The following COL21A1 variants were observed in gnomAD, a reference collection of about 807,000 sequenced individuals.
COL21A1 encodes collagen alpha-1(XXI) chain.
COL21A1 carries 149 observed loss-of-function variants against 137.9 expected under a neutral mutation model. The observed-to-expected ratio is 1.08, with a 90% CI of 0.95 to 1.24. The LOEUF (loss-of-function observed/expected upper bound fraction) is 1.24. Ranked by LOEUF, COL21A1 falls within the 50% of genes most tolerant of loss-of-function variation. COL21A1 has a pLI of 0.00. For synonymous variants in COL21A1, 456 were observed against 391.5 expected (o/e 1.16, Z -1.95); for missense variants, 1,167 against 1,158.4 (o/e 1.01, Z -0.11).
chr6:56,390,296 G>A (rs2094026752), intron 1 of COL21A1, among the ~76,000 whole-genome samples: 1 of 152,048 alleles, frequency 6.6e-6, no homozygotes, highest in Non-Finnish European at 1.5e-5. Context: ...GATGTTATTT[G>A]CAAGCCTCAT....
chr6:56,328,185 G>C (rs1330686814), intron 1 of COL21A1, among the ~76,000 whole-genome samples: 1 of 152,074 alleles, frequency 6.6e-6, no homozygotes, highest in Non-Finnish European at 1.5e-5. Context: ...ATGTAAACTT[G>C]TCTTTTCACA....
chr6:56,378,571 C>T (rs112340609), intron 1 of COL21A1, among the ~76,000 whole-genome samples: 24 of 152,314 alleles, frequency 1.6e-4, no homozygotes, highest in African/African-American at 5.5e-4. Context: ...CAATAGAACA[C>T]CAGGTAGACT....
At chr6:56,137,862 T>G (rs1301536186) in intron 12 of COL21A1, among the ~76,000 whole-genome samples, 5 of 152,112 alleles carry the variant, frequency 3.3e-5, no homozygotes, top group Admixed American at 2.0e-4. Flanking sequence ...GAAAAAAGGT[T>G]GAAAGATCAG....
At chr6:56,112,594 A>C (rs1336078818) in intron 16 of COL21A1, among the ~76,000 whole-genome samples, 4 of 152,108 alleles carry the variant, frequency 2.6e-5, no homozygotes, top group Non-Finnish European at 5.9e-5. Context: ...GAACCACTGA[A>C]ACCAGTGCTC....
intron 1 of COL21A1, among the ~76,000 whole-genome samples, chr6:56,313,710 C>T (rs1764663675): frequency 6.6e-6 from 1 of 152,130 alleles, no homozygotes; most frequent in South Asian, 2.1e-4. Context: ...AAACACAATT[C>T]AGTCCATAGC....
intron 17 of COL21A1, among the ~76,000 whole-genome samples, chr6:56,088,277 T>C (rs980063973): frequency 6.6e-6 from 1 of 152,048 alleles, no homozygotes; most frequent in Non-Finnish European, 1.5e-5. Context: ...AGCAGGAGAA[T>C]TGCTTGACCC....
rs1459923118 is a variant in COL21A1 at position 56,164,502 on chromosome 6, A to G, written c.1292T>C (p.Leu431Pro). Reference protein sequence around the residue: ...CEIPGFNGECLNGPSDVGSTP... With the variant: ...CEIPGFNGECPNGPSDVGSTP... Reference sequence around the variant, plus strand: ...TGAACCTACATCACTGGGACCATTAAGGCACTATAAAGACAAAAATGGAAA... The same window carrying G: ...TGAACCTACATCACTGGGACCATTAGGGCACTATAAAGACAAAAATGGAAA... Residue 431 changes from leucine (L) to proline (P), a missense_variant, in exon 9 of 30, where the codon CTT (leucine) becomes CCT (proline). Leu to Pro is a moderately conservative substitution (Grantham distance 98). Transcript: ENST00000244728. The G allele has an allele frequency of 6.3e-7, 1 of 1,579,726 alleles. No individual in the cohort carries two copies. The highest frequency in any genetic ancestry group is 8.6e-7 in the Non-Finnish European group (1 of 1,161,136).
chr6:56,208,233 G>C (rs1414238887), intron 1 of COL21A1, among the ~76,000 whole-genome samples: 1 of 150,952 alleles, frequency 6.6e-6, no homozygotes, highest in African/African-American at 2.4e-5. Flanking sequence ...TAGATGATAT[G>C]ATTGTATATT....
intron 1 of COL21A1, among the ~76,000 whole-genome samples, chr6:56,280,847 C>T (rs1221750324): frequency 2.0e-5 from 3 of 151,898 alleles, no homozygotes; most frequent in Non-Finnish European, 4.4e-5. Flanking sequence ...CTCATCTCTA[C>T]AAAAAATAAA....
chr6:56,155,681 C>T (rs985187712), intron 10 of COL21A1, among the ~76,000 whole-genome samples: 3 of 152,180 alleles, frequency 2.0e-5, no homozygotes, highest in African/African-American at 4.8e-5. Context: ...ATGCAGCCTC[C>T]GCCTCTCGTG....
At chr6:56,387,343 T>C (rs34957752) in intron 1 of COL21A1, among the ~76,000 whole-genome samples, 3 of 152,122 alleles carry the variant, frequency 2.0e-5, no homozygotes, top group Non-Finnish European at 4.4e-5. Context: ...TTAAAGTCTG[T>C]GCAAGAGGAG....
intron 1 of COL21A1, among the ~76,000 whole-genome samples, chr6:56,342,029 C>T (rs924912138): frequency 1.3e-5 from 2 of 152,106 alleles, no homozygotes; most frequent in Non-Finnish European, 2.9e-5. Flanking sequence ...TGATCATTTT[C>T]CCTCCCCTGT....
intron 1 of COL21A1, among the ~76,000 whole-genome samples, chr6:56,205,855 A>G (rs1325720048): frequency 1.3e-5 from 2 of 152,208 alleles, no homozygotes; most frequent in Non-Finnish European, 2.9e-5. Context: ...AAGAATTTGC[A>G]ACGCAGAATT....
At chr6:56,104,530 C>T (rs1448707899) in intron 16 of COL21A1, among the ~76,000 whole-genome samples, 1 of 152,160 alleles carries the variant, frequency 6.6e-6, no homozygotes, top group Non-Finnish European at 1.5e-5. Context: ...GTTACCAGAA[C>T]TTAACCTGAT....
intron 1 of COL21A1, among the ~76,000 whole-genome samples, chr6:56,278,406 T>A (rs1468892638): frequency 1.3e-5 from 2 of 152,126 alleles, no homozygotes; most frequent in Admixed American, 1.3e-4. Context: ...AAAAAAGCTC[T>A]TTTGTATAAG....
intron 1 of COL21A1, among the ~76,000 whole-genome samples, chr6:56,325,858 A>G (rs868796551): frequency 1.7e-5 from 1 of 60,216 alleles, no homozygotes; most frequent in African/African-American, 6.1e-5. Context: ...TATATAATAT[A>G]TTATATATAA....
chr6:56,259,348 C>T lies in COL21A1; in HGVS notation c.-38-76692G>A, dbSNP rs190822337. On this transcript the variant is annotated intron_variant, in intron 1 of 28. Transcript: ENST00000370819. Reference sequence around the variant, plus strand: ...CCTCCATCTCCATTTGTTGCTTTTCCTTCCATCCATCTCTCTGACTCCGCA... The same window carrying T: ...CCTCCATCTCCATTTGTTGCTTTTCTTTCCATCCATCTCTCTGACTCCGCA... Among the ~76,000 whole-genome samples the T allele has an allele frequency of 2.3e-3, 353 of 152,164 alleles. 2 individuals are homozygous for T. The highest frequency in any genetic ancestry group is 8.0e-3 in the African/African-American group (332 of 41,548).
intron 16 of COL21A1, among the ~76,000 whole-genome samples, chr6:56,115,834 T>C (rs989743257): frequency 6.6e-6 from 1 of 152,012 alleles, no homozygotes; most frequent in Non-Finnish European, 1.5e-5. Flanking sequence ...ATTGAAATAA[T>C]TACAAAGAAA....
At chr6:56,129,186 A>C (rs915889413) in intron 12 of COL21A1, among the ~76,000 whole-genome samples, 1 of 152,104 alleles carries the variant, frequency 6.6e-6, no homozygotes, top group East Asian at 1.9e-4. Flanking sequence ...AGAAACATTG[A>C]TATTATCATT....
Sources: allele counts gnomAD v4.1 joint callset (sites outside exome capture counted in the v4.1 genomes callset), GRCh38; gene constraint gnomAD v4.1.1; transcripts MANE v1.5; gene names NCBI Gene and HGNC (gene_info 2026-07-23, HGNC 2026-07-21).